The following POLR3B variants were observed in gnomAD, a reference collection of about 807,000 sequenced individuals.
POLR3B encodes RNA polymerase III subunit B.
POLR3B carries 96 observed loss-of-function variants against 147.4 expected under a neutral mutation model. The observed-to-expected ratio is 0.65, with a 90% CI of 0.55 to 0.77. The LOEUF (loss-of-function observed/expected upper bound fraction) is 0.77, where lower values mean the gene tolerates loss of function less well. Ranked by LOEUF, POLR3B falls within the 30% of genes least tolerant of loss-of-function variation. The pLI, the probability that POLR3B is intolerant of heterozygous loss-of-function variation, is 0.00. For missense variants in POLR3B, 1,036 were observed against 1,413.5 expected (o/e 0.73, Z 4.28); for synonymous variants, 461 against 485.9 (o/e 0.95, Z 0.67).
intron 10 of POLR3B, among the ~76,000 whole-genome samples, chr12:106,397,098 C>T (rs1305235633): frequency 6.6e-6 from 1 of 150,568 alleles, no homozygotes; most frequent in African/African-American, 2.5e-5. Context: ...GTACTCCAGC[C>T]TGGGCAACAG....
Position 106,393,165 on chromosome 12 carries a change from C to T in POLR3B, c.846+12C>T. 1.2e-6 allele frequency: 2 copies of T among 1,614,040 alleles called. No individual in the cohort carries two copies. Among genetic ancestry groups the T allele is most frequent in the East Asian group, 2.2e-5 (1 of 44,878 alleles). On this transcript the variant is annotated intron_variant, in intron 10 of 27. Transcript: ENST00000228347. ...TCACACAGATGCAGGTGTGTCTTTT[C>T]ATGTTGTCCTTTGCTATGAAATGGA... is the stretch of plus-strand genomic sequence containing the variant.
At chr12:106,384,287 C>T (rs997998958) in intron 9 of POLR3B, among the ~76,000 whole-genome samples, 24 of 152,198 alleles carry the variant, frequency 1.6e-4, no homozygotes, top group Non-Finnish European at 3.2e-4. Flanking sequence ...ATACTATACA[C>T]ATTCAGTGAA....
chr12:106,371,267 A>G (rs899331157), intron 6 of POLR3B, among the ~76,000 whole-genome samples: 2 of 152,350 alleles, frequency 1.3e-5, no homozygotes, highest in East Asian at 1.9e-4. Context: ...TAGAATGGCA[A>G]TCATTAAAAA....
chr12:106,437,862 TTCTA>T (rs2037598608), intron 18 of POLR3B, 83 bp downstream of exon 18: 1 of 785,060 alleles, frequency 1.3e-6, no homozygotes, highest in East Asian at 2.6e-5. Flanking sequence ...TCTTCAGTCC[TTCTA>T]TCTTTTACTC....
chr12:106,486,980 A>G (rs1450507116), intron 23 of POLR3B, among the ~76,000 whole-genome samples: 1 of 152,254 alleles, frequency 6.6e-6, no homozygotes, highest in Non-Finnish European at 1.5e-5. Flanking sequence ...TTTTGGCCAC[A>G]GTGTTTACAG....
intron 10 of POLR3B, among the ~76,000 whole-genome samples, chr12:106,394,356 G>C (rs2036954264): frequency 1.3e-5 from 2 of 152,188 alleles, no homozygotes; most frequent in South Asian, 4.1e-4. Context: ...GAAATATTTG[G>C]TAGGCATGAA....
chr12:106,491,510 C>G (rs941069359), intron 23 of POLR3B, among the ~76,000 whole-genome samples: 1 of 152,126 alleles, frequency 6.6e-6, no homozygotes, highest in African/African-American at 2.4e-5. Flanking sequence ...GGAGAAAAAC[C>G]ACAGCATCAT....
chr12:106,493,018 G>A (rs1209905826), intron 23 of POLR3B, among the ~76,000 whole-genome samples: 1 of 152,194 alleles, frequency 6.6e-6, no homozygotes, highest in Non-Finnish European at 1.5e-5. Flanking sequence ...CTGGGAGGCT[G>A]TGCTGTAAAC....
chr12:106,430,187 G>A (rs2037488692), intron 13 of POLR3B, 86 bp from the exon 14 acceptor site: 1 of 935,804 alleles, frequency 1.1e-6, no homozygotes, highest in African/African-American at 1.6e-5. Context: ...TGAAGCTCCT[G>A]TAATGAACTT....
At chr12:106,426,504 A>G (rs2037438086) in intron 12 of POLR3B, among the ~76,000 whole-genome samples, 1 of 151,742 alleles carries the variant, frequency 6.6e-6, no homozygotes, top group Admixed American at 6.6e-5. Context: ...TTTAGTAGAG[A>G]CAGGGTTTCA....
chr12:106,496,898 T>G lies in POLR3B; in HGVS notation c.2964T>G (p.Tyr988Ter), dbSNP rs1227799185. The stretch of plus-strand genomic sequence containing the variant: ...GTTATAACTACTTGGGGAAAGACTA[T>G]GTTACATCCGGCATCACAGGGTAAG... ...RHGYNYLGKD[Y>*]VTSGITGEPL... The change falls in exon 25 of 28, where the codon TAT becomes TAG. Residue 988 changes from tyrosine to a stop codon, truncating the protein, a stop_gained. Transcript: ENST00000228347. LOFTEE classifies it high-confidence loss of function. 1.2e-6 allele frequency: 2 copies of G among 1,614,034 alleles called. No individual in the cohort carries two copies. The highest frequency in any genetic ancestry group is 2.2e-5 in the South Asian group (2 of 91,074).
rs1261861758 is a variant in POLR3B, at chr12:106,504,728, C to T, written c.3272+474C>T. On this transcript the variant is annotated intron_variant, in intron 27 of 27. Transcript: ENST00000228347. The surrounding 1 kb of genome is among the most constrained non-coding windows in gnomAD (Gnocchi z 4.6). ...AAGACCAAGACGACCTGGTACCCTG[C>T]CCCCTTGTCTGTACTCTCTCTGCCA... 5.9e-5 allele frequency among the ~76,000 whole-genome samples: 9 copies of T among 152,214 alleles called. No individual in the cohort carries two copies. Among genetic ancestry groups the T allele is most frequent in the Non-Finnish European group, 1.5e-5 (1 of 68,028 alleles).
At chr12:106,404,240 A>C (rs903560007) in intron 10 of POLR3B, among the ~76,000 whole-genome samples, 4 of 151,982 alleles carry the variant, frequency 2.6e-5, no homozygotes, top group African/African-American at 7.2e-5. Flanking sequence ...ACAGGTGTGC[A>C]CCACGATGCC....
At chr12:106,495,536 C>G (rs2038465913) in intron 23 of POLR3B, among the ~76,000 whole-genome samples, 1 of 152,208 alleles carries the variant, frequency 6.6e-6, no homozygotes, top group Admixed American at 6.5e-5. Context: ...ATAGGTAGAC[C>G]TGTTAGCACA....
intron 16 of POLR3B, 56 bp from the exon 17 acceptor site, chr12:106,437,001 C>G (rs994156385): frequency 1.5e-6 from 2 of 1,325,020 alleles, no homozygotes; most frequent in Non-Finnish European, 2.2e-6. Flanking sequence ...AACTAACTTG[C>G]CTGTGTAATT....
At position 106,378,334 on chromosome 12, in the gene POLR3B, G is replaced by T; in HGVS notation, c.564G>T (p.Arg188Ser). 6.2e-7 allele frequency: 1 copy of T among 1,613,982 alleles called. No individual in the cohort carries two copies. Among genetic ancestry groups the T allele is most frequent in the Non-Finnish European group, 8.5e-7 (1 of 1,179,870 alleles). Residue 188 changes from arginine (R) to serine (S), a missense_variant, in exon 8 of 28, where the codon AGG becomes AGT. By Grantham distance (110) the Arg-to-Ser change is moderately radical. This residue lies in a region of POLR3B where 217 missense variants were observed against 288.7 expected (regional missense o/e 0.75). Coordinates refer to ENST00000228347, the MANE Select transcript of POLR3B (RefSeq NM_018082.6). ...TCCAAGAGCAGCTGTCTAAGAACAGGATCATCGTGGAGGCTGATAGAAAAG... is the reference window on the plus strand; with the variant it reads ...TCCAAGAGCAGCTGTCTAAGAACAGTATCATCGTGGAGGCTGATAGAAAAG... ...ILIQEQLSKN[R>S]IIVEADRKGA...
chr12:106,357,860 C>A lies in POLR3B; in HGVS notation c.-20C>A. The A allele has an allele frequency of 6.2e-7, 1 of 1,611,978 alleles. No individual in the cohort carries two copies. Among genetic ancestry groups the A allele is most frequent in the Non-Finnish European group, 8.5e-7 (1 of 1,179,234 alleles). On this transcript the variant is annotated 5_prime_UTR_variant, in exon 1 of 28. Coordinates refer to ENST00000228347, the MANE Select transcript of POLR3B (RefSeq NM_018082.6). Reference sequence around the variant, plus strand: ...GCGGGCGCGGAGGTTCTATCTGTTTCTTCCTCCTTCGTGAGCAGCATGGAC... The same window carrying A: ...GCGGGCGCGGAGGTTCTATCTGTTTATTCCTCCTTCGTGAGCAGCATGGAC...
intron 9 of POLR3B, among the ~76,000 whole-genome samples, chr12:106,380,612 G>A (rs1452347185): frequency 6.6e-6 from 1 of 152,078 alleles, no homozygotes; most frequent in African/African-American, 2.4e-5. Context: ...AGCCAAGCGT[G>A]GTGGCATGTG....
intron 19 of POLR3B, among the ~76,000 whole-genome samples, chr12:106,447,622 A>G (rs1436154733): frequency 2.0e-5 from 3 of 152,176 alleles, no homozygotes; most frequent in East Asian, 3.9e-4. Context: ...GTGTCCTCTC[A>G]TCGGCACCCG....
Sources: allele counts gnomAD v4.1 joint callset (sites outside exome capture counted in the v4.1 genomes callset), GRCh38; gene constraint gnomAD v4.1.1; regional missense constraint gnomAD v4.1.1; non-coding constraint Gnocchi (gnomAD v3.1); transcripts MANE v1.5; gene names NCBI Gene and HGNC (gene_info 2026-07-23, HGNC 2026-07-21).